TRPM7: variants seen among roughly 807,000 people sequenced by gnomAD.
TRPM7 encodes the protein transient receptor potential cation channel subfamily M member 7.
A neutral mutation model predicts 229.7 loss-of-function variants in TRPM7; 134 were observed. The ratio of observed to expected loss-of-function variants is 0.58; its 90% CI spans 0.51 to 0.67. TRPM7 has a LOEUF of 0.67. Among genes scored for constraint, TRPM7 ranks in the 30% least tolerant of loss-of-function variants. The probability of loss-of-function intolerance (pLI) is 0.00; values close to 1 mark genes in which losing one functional copy is unlikely to be tolerated. For synonymous variants in TRPM7, 699 were observed against 715.2 expected (o/e 0.98, Z 0.36); for missense variants, 1,901 against 2,210.0 (o/e 0.86, Z 2.80).
At chr15:50,576,964 T>C (rs2054163290) in intron 31 of TRPM7, among the ~76,000 whole-genome samples, 3 of 151,948 alleles carry the variant, frequency 2.0e-5, no homozygotes, top group Non-Finnish European at 4.4e-5. Flanking sequence ...TTTTTAAAAT[T>C]AGCTGAGCAA....
At chr15:50,581,200 T>C (rs1207580902) in intron 29 of TRPM7, among the ~76,000 whole-genome samples, 1 of 152,144 alleles carries the variant, frequency 6.6e-6, no homozygotes, top group Non-Finnish European at 1.5e-5. Context: ...TTCTATTCTC[T>C]TAAAATATAT....
chr15:50,659,945 G>A (rs188737674), intron 2 of TRPM7, among the ~76,000 whole-genome samples: 4 of 152,084 alleles, frequency 2.6e-5, no homozygotes, highest in Non-Finnish European at 5.9e-5. Flanking sequence ...GATTACAGGC[G>A]TGAGCCACCA....
chr15:50,574,819 A>G, intron 34 of TRPM7, 33 bp downstream of exon 34: 3 of 1,595,374 alleles, frequency 1.9e-6, no homozygotes, highest in Non-Finnish European at 2.6e-6. Flanking sequence ...AGCTTAAATT[A>G]TGTTCCACTA....
intron 16 of TRPM7, among the ~76,000 whole-genome samples, chr15:50,611,671 T>C (rs2060066045): frequency 6.6e-6 from 1 of 152,192 alleles, no homozygotes; most frequent in African/African-American, 2.4e-5. Context: ...AGTTGGTACC[T>C]GGTAGAGAGG....
chr15:50,581,040 T>A (rs1298629199), intron 29 of TRPM7, 132 bp from the exon 30 acceptor site: 1 of 698,194 alleles, frequency 1.4e-6, no homozygotes, highest in African/African-American at 1.8e-5. Context: ...AGTTCTTGTT[T>A]CATAAAACAA....
At chr15:50,580,943 C>T (rs1402503088) in intron 29 of TRPM7, 35 bp from the exon 30 acceptor site, 11 of 1,557,784 alleles carry the variant, frequency 7.1e-6, no homozygotes, top group Non-Finnish European at 6.9e-6. Context: ...ACACAAAAAC[C>T]TTAAAGACAA....
rs1490887739 is a variant in TRPM7 at position 50,558,678 on chromosome 15, G to C, written c.*3000C>G. On this transcript the variant is annotated 3_prime_UTR_variant, in exon 39 of 39. Coordinates refer to ENST00000646667, the MANE Select transcript of TRPM7 (RefSeq NM_017672.6). ...ACTGTACTCCGGCCTGGGCAACAGA[G>C]TGAGACTTCAACTCAAAAAAACAAA... 1 of 151,918 alleles carries C rather than the reference G, an allele frequency of 6.6e-6. No individual in the cohort carries two copies. Among genetic ancestry groups the C allele is most frequent in the Non-Finnish European group, 1.5e-5 (1 of 68,038 alleles). The allele number at this position is 151,918 out of a possible 1,614,324, so 9.4% of individuals were successfully genotyped here. A position where few individuals can be genotyped will look rare whatever the true frequency, so the allele number is the denominator to read the frequency against.
At chr15:50,644,851 C>G (rs1013407205) in intron 4 of TRPM7, among the ~76,000 whole-genome samples, 1 of 149,852 alleles carries the variant, frequency 6.7e-6, no homozygotes, top group African/African-American at 2.5e-5. Context: ...CCCCAGAATT[C>G]CATAAAACTG....
At chr15:50,640,696 C>T (rs2061075306) in intron 5 of TRPM7, among the ~76,000 whole-genome samples, 1 of 152,086 alleles carries the variant, frequency 6.6e-6, no homozygotes, top group Non-Finnish European at 1.5e-5. Flanking sequence ...TAAAACATTA[C>T]TGTACTTGGA....
chr15:50,641,658 G>T (rs900647823), intron 5 of TRPM7, among the ~76,000 whole-genome samples: 5 of 152,004 alleles, frequency 3.3e-5, no homozygotes, highest in African/African-American at 1.2e-4. Flanking sequence ...ACTGTTTATG[G>T]AATAAATTCT....
chr15:50,593,143 G>T (rs945227909), intron 25 of TRPM7, among the ~76,000 whole-genome samples: 1 of 152,040 alleles, frequency 6.6e-6, no homozygotes. Context: ...ATAAAAATCA[G>T]CTGGGTGTGG....
At chr15:50,651,037 G>A (rs1302505735) in intron 3 of TRPM7, among the ~76,000 whole-genome samples, 2 of 151,756 alleles carry the variant, frequency 1.3e-5, no homozygotes, top group South Asian at 2.1e-4. Context: ...ACATACAAAC[G>A]TTAGTCGGGC....
intron 21 of TRPM7, among the ~76,000 whole-genome samples, chr15:50,601,214 G>C (rs2059772022): frequency 6.6e-6 from 1 of 152,222 alleles, no homozygotes; most frequent in Non-Finnish European, 1.5e-5. Context: ...TATGGTTGAT[G>C]ATTCATAGTC....
intron 1 of TRPM7, among the ~76,000 whole-genome samples, chr15:50,666,525 C>T (rs574369075): frequency 2.6e-5 from 4 of 151,810 alleles, no homozygotes; most frequent in Admixed American, 2.0e-4. Flanking sequence ...AAAAAGAGGC[C>T]GGGTGCAGTG....
chr15:50,607,165 A>G (rs758618410), intron 20 of TRPM7, 35 bp downstream of exon 20: 33 of 1,585,160 alleles, frequency 2.1e-5, no homozygotes, highest in Non-Finnish European at 2.7e-5. Context: ...CCATGTATAC[A>G]GTAAATTATT....
chr15:50,674,953 T>G (rs1375095726), intron 1 of TRPM7, among the ~76,000 whole-genome samples: 2 of 152,170 alleles, frequency 1.3e-5, no homozygotes, highest in African/African-American at 4.8e-5. Context: ...AGCAAACAAT[T>G]TGCTAAAAGT....
chr15:50,681,264 T>TACACACACACACACACACACACACACAC (rs72070923), intron 1 of TRPM7, among the ~76,000 whole-genome samples: 31 of 147,020 alleles, frequency 2.1e-4, no homozygotes, highest in African/African-American at 5.4e-4. Flanking sequence ...AATAAATAAA[T>TACACACACACACACACACACACACACAC]ACACACACAC....
At chr15:50,652,328 CAAAAAAAAAAAAAA>C (rs34122648) in intron 3 of TRPM7, among the ~76,000 whole-genome samples, 29 of 34,230 alleles carry the variant, frequency 8.5e-4, no homozygotes, top group African/African-American at 3.4e-3. Context: ...GACTCCATCT[CAAAAAAAAAAAAAA>C]AAAAAAAAAA....
At chr15:50,583,403 C>G (rs2054521629) in intron 28 of TRPM7, among the ~76,000 whole-genome samples, 1 of 151,966 alleles carries the variant, frequency 6.6e-6, no homozygotes, top group Non-Finnish European at 1.5e-5. Flanking sequence ...AAAATTTCTC[C>G]CCCTCCTGTT....
Sources: allele counts gnomAD v4.1 joint callset (sites outside exome capture counted in the v4.1 genomes callset), GRCh38; gene constraint gnomAD v4.1.1; transcripts MANE v1.5; gene names NCBI Gene and HGNC (gene_info 2026-07-23, HGNC 2026-07-21).